The following CMYA5 variants were observed in gnomAD, a reference collection of about 807,000 sequenced individuals.
The protein encoded by CMYA5 is cardiomyopathy-associated protein 5.
A neutral mutation model predicts 318.9 loss-of-function variants in CMYA5; 246 were observed. That is an observed-to-expected ratio of 0.77 (90% CI 0.70 to 0.86). The LOEUF is 0.86. Ranked by LOEUF, CMYA5 falls within the 40% of genes least tolerant of loss-of-function variation. The pLI is 0.00. For synonymous variants in CMYA5, 1,641 were observed against 1,729.5 expected (o/e 0.95, Z 1.27); for missense variants, 4,589 against 4,678.2 (o/e 0.98, Z 0.56).
intron 9 of CMYA5, among the ~76,000 whole-genome samples, chr5:79,786,276 G>T (rs367589951): frequency 8.5e-5 from 13 of 152,250 alleles, no homozygotes; most frequent in African/African-American, 3.1e-4. Flanking sequence ...CACGTCTCTG[G>T]GACTTCCACA....
rs572764434 is a variant in CMYA5 at position 79,725,056 on chromosome 5, T to C, written c.150-3859T>C. 3.3e-5 allele frequency among the ~76,000 whole-genome samples: 5 copies of C among 152,344 alleles called. No individual in the cohort carries two copies. In the East Asian group the frequency reaches 9.6e-4, roughly 29 times the overall value. On this transcript the variant is annotated intron_variant, in intron 1 of 12. Coordinates refer to ENST00000446378, the MANE Select transcript of CMYA5 (RefSeq NM_153610.5). ...ATTGTATCTTGCCTATCTTCTGTAA[T>C]AGTACTTATCACACTGTATTAAAAT... is the stretch of plus-strand genomic sequence containing the variant.
chr5:79,715,655 C>T (rs1827501665), intron 1 of CMYA5, among the ~76,000 whole-genome samples: 1 of 152,130 alleles, frequency 6.6e-6, no homozygotes, highest in South Asian at 2.1e-4. Context: ...GGGTTAGAAT[C>T]CAGGTTTCCT....
intron 12 of CMYA5, among the ~76,000 whole-genome samples, chr5:79,798,331 C>T (rs10491460): frequency 0.064 from 9,788 of 152,214 alleles, 338 homozygotes; most frequent in Middle Eastern, 0.088. Context: ...CCAGCCTACA[C>T]ATCCGTCGAC....
Position 79,736,636 on chromosome 5 carries a change from A to G in CMYA5, c.7871A>G (p.Glu2624Gly). Reference protein sequence around the residue: ...AVGTQPHPLEESKVLVEKTKT... With the variant: ...AVGTQPHPLEGSKVLVEKTKT... ...GGAACCCAACCACATCCTTTAGAAG[A>G]AAGTAAAGTTTTGGTGGAGAAAACC... Residue 2624 changes from glutamate to glycine, a missense_variant, in exon 2 of 13, where the codon GAA (glutamate) becomes GGA (glycine). Coordinates refer to ENST00000446378, the MANE Select transcript of CMYA5 (RefSeq NM_153610.5). 1 of 1,613,826 alleles carries G rather than the reference A, an allele frequency of 6.2e-7. No homozygotes were observed. Among genetic ancestry groups the G allele is most frequent in the South Asian group, 1.1e-5 (1 of 91,076 alleles).
At chr5:79,791,210 A>G (rs1384187864) in intron 11 of CMYA5, 141 bp downstream of exon 11, 1 of 603,482 alleles carries the variant, frequency 1.7e-6, no homozygotes, top group East Asian at 2.8e-5. Flanking sequence ...CAATGTGTGC[A>G]CATCCACACT....
intron 11 of CMYA5, among the ~76,000 whole-genome samples, chr5:79,792,586 G>A (rs1298946933): frequency 6.6e-6 from 1 of 152,214 alleles, no homozygotes; most frequent in Non-Finnish European, 1.5e-5. Context: ...GACATGAAAA[G>A]TGGAATACAT....
In CMYA5 at chr5:79,799,739, A is replaced by G; in HGVS notation, c.*123A>G. 1 of 1,285,924 alleles carries G rather than the reference A, an allele frequency of 7.8e-7. No homozygotes were observed. The highest frequency in any genetic ancestry group is 1.0e-6 in the Non-Finnish European group (1 of 955,078). 79.7% of individuals were successfully genotyped at this position (1,285,924 alleles called of 1,614,324 possible). ...GCGCATTTGCACTAATGATGGCTGC[A>G]TGCATAGCAATCAGCATGTGAGCAA... On this transcript the variant is annotated 3_prime_UTR_variant, in exon 13 of 13. Coordinates refer to ENST00000446378, the MANE Select transcript of CMYA5 (RefSeq NM_153610.5).
intron 1 of CMYA5, among the ~76,000 whole-genome samples, chr5:79,700,611 A>T (rs1827155489): frequency 6.6e-6 from 1 of 152,264 alleles, no homozygotes; most frequent in East Asian, 1.9e-4. Flanking sequence ...GATGGTCAAC[A>T]TCATTATCCA....
At position 79,788,897 on chromosome 5, in the gene CMYA5, A is replaced by G. The variant is rs1580807825; in HGVS notation, c.11556-74A>G. 3 of 1,428,442 alleles carry G rather than the reference A, an allele frequency of 2.1e-6. No individual in the cohort carries two copies. The Admixed American group carries it at 5.7e-5, about 27-fold the overall frequency. The allele number at this position is 1,428,442 out of a possible 1,614,324, so 88.5% of individuals were successfully genotyped here. ...TGTTGCTAATAAAAGATGTTCATTC[A>G]CTACCAAATTGAAATAGGAATCATT... On this transcript the variant is annotated intron_variant, in intron 9 of 12. Transcript: ENST00000446378.
intron 1 of CMYA5, among the ~76,000 whole-genome samples, chr5:79,723,407 T>C (rs77374684): frequency 0.21 from 30,968 of 145,228 alleles, 5,704 homozygotes; most frequent in African/African-American, 0.5. Context: ...CCACTGCACT[T>C]CAGCCTGGGT....
intron 1 of CMYA5, among the ~76,000 whole-genome samples, chr5:79,712,279 T>A (rs1827409222): frequency 6.6e-6 from 1 of 152,180 alleles, no homozygotes; most frequent in Admixed American, 6.5e-5. Context: ...TGGTGCGTGA[T>A]CTCGGCTCAC....
At position 79,793,239 on chromosome 5, in the gene CMYA5, C is replaced by T. The variant is rs558426488; in HGVS notation, c.11790-198C>T. The stretch of plus-strand genomic sequence containing the variant: ...TATGTGACTGGCAATATGTCAAATG[C>T]CTGTTGAGAGTTTGGAGAGTTCTGT... On this transcript the variant is annotated intron_variant, in intron 11 of 12. Coordinates refer to ENST00000446378, the MANE Select transcript of CMYA5 (RefSeq NM_153610.5). Among the ~76,000 whole-genome samples, 112 of 152,222 alleles carry T rather than the reference C, an allele frequency of 7.4e-4. 1 individual carries two copies. Among genetic ancestry groups the T allele is most frequent in the Non-Finnish European group, 1.3e-3 (87 of 68,026 alleles).
chr5:79,796,341 G>A (rs1829275448), intron 12 of CMYA5, among the ~76,000 whole-genome samples: 2 of 150,404 alleles, frequency 1.3e-5, no homozygotes, highest in African/African-American at 4.9e-5. Flanking sequence ...TTTTTCATTC[G>A]ACAAATGTTT....
intron 12 of CMYA5, among the ~76,000 whole-genome samples, chr5:79,798,163 G>A (rs139113823): frequency 4.4e-4 from 67 of 151,806 alleles, no homozygotes; most frequent in Middle Eastern, 6.8e-3. Flanking sequence ...CTGCAATGAA[G>A]TTGCCAACTT....
At chr5:79,726,287 G>T (rs1019955532) in intron 1 of CMYA5, among the ~76,000 whole-genome samples, 6 of 152,100 alleles carry the variant, frequency 3.9e-5, no homozygotes, top group Non-Finnish European at 8.8e-5. Context: ...ACATTCATGG[G>T]CATTCAAAAT....
intron 1 of CMYA5, among the ~76,000 whole-genome samples, chr5:79,726,564 C>T (rs1008817785): frequency 9.2e-5 from 14 of 152,146 alleles, no homozygotes; most frequent in African/African-American, 2.9e-4. Context: ...TACTTCTTCC[C>T]GACCCTTCAC....
intron 5 of CMYA5, among the ~76,000 whole-genome samples, chr5:79,751,310 C>T (rs1430943846): frequency 6.6e-6 from 1 of 152,110 alleles, no homozygotes; most frequent in Admixed American, 6.5e-5. Context: ...GCCCTCTGGC[C>T]CTCGAATGTG....
At chr5:79,707,033 A>G (rs530548146) in intron 1 of CMYA5, among the ~76,000 whole-genome samples, 1 of 152,316 alleles carries the variant, frequency 6.6e-6, no homozygotes, top group South Asian at 2.1e-4. Flanking sequence ...AATCAAAACT[A>G]GGTGTGAACT....
intron 1 of CMYA5, among the ~76,000 whole-genome samples, chr5:79,699,894 A>T (rs1336564878): frequency 2.0e-5 from 3 of 152,162 alleles, no homozygotes; most frequent in Non-Finnish European, 4.4e-5. Context: ...TACATACTTG[A>T]CTCATTAAAA....
Sources: allele counts gnomAD v4.1 joint callset (sites outside exome capture counted in the v4.1 genomes callset), GRCh38; gene constraint gnomAD v4.1.1; transcripts MANE v1.5; gene names NCBI Gene and HGNC (gene_info 2026-07-23, HGNC 2026-07-21).